Variants in SEMA6A observed in about 807,000 individuals in gnomAD.
The protein encoded by SEMA6A is semaphorin 6A, also known as semaphorin-6A.
Under a neutral mutation model 96.8 loss-of-function variants are expected in SEMA6A, and 25 were observed. That is an observed-to-expected ratio of 0.26 (90% CI 0.19 to 0.36). The LOEUF (loss-of-function observed/expected upper bound fraction) is 0.36, where lower values mean the gene tolerates loss of function less well. Among genes scored for constraint, SEMA6A ranks in the 10% least tolerant of loss-of-function variants. SEMA6A has a pLI of 1.00. For synonymous variants in SEMA6A, 612 were observed against 518.0 expected, an observed-to-expected ratio of 1.18 and a Z score of -2.46; for missense variants, 1,363 against 1,323.1, an observed-to-expected ratio of 1.03 and a Z score of -0.47.
intron 3 of SEMA6A, among the ~76,000 whole-genome samples, chr5:116,500,664 C>A (rs1361495345): frequency 6.6e-6 from 1 of 151,950 alleles, no homozygotes; most frequent in Non-Finnish European, 1.5e-5. Context: ...TTAGAAGAAT[C>A]AACCACTGTT....
Position 116,514,749 on chromosome 5 carries a change from T to A in SEMA6A, c.-38-9767A>T, listed in dbSNP as rs184585112. 4.5e-3 allele frequency among the ~76,000 whole-genome samples: 688 copies of A among 152,262 alleles called. 14 individuals are homozygous for A. Among genetic ancestry groups the A allele is most frequent in the Non-Finnish European group, 2.3e-3 (159 of 68,012 alleles). ...CCTTGGCTTGCTGCCTGATGTTCAT[T>A]ACTACCACTGCCTGATTTCCATCTT... On this transcript the variant is annotated intron_variant, in intron 1 of 18. Coordinates refer to ENST00000343348, the MANE Select transcript of SEMA6A (RefSeq NM_020796.5).
At chr5:116,517,513 G>A (rs11958164) in intron 1 of SEMA6A, among the ~76,000 whole-genome samples, 10,748 of 151,960 alleles carry the variant, frequency 0.071, 690 homozygotes, top group African/African-American at 0.17. Context: ...AGTGTATGTC[G>A]TATCATACTT....
intron 1 of SEMA6A, among the ~76,000 whole-genome samples, chr5:116,533,334 C>A (rs1759569838): frequency 6.7e-6 from 1 of 148,812 alleles, no homozygotes. Flanking sequence ...AGACTCGACA[C>A]TGCTGCTCTG....
chr5:116,508,435 G>A lies in SEMA6A; in HGVS notation c.-38-3453C>T, dbSNP rs978796141. Among the ~76,000 whole-genome samples the A allele has an allele frequency of 3.3e-5, 5 of 152,190 alleles. No individual in the cohort carries two copies. In the South Asian group the frequency reaches 1.0e-3, roughly 32 times the overall value. ...GCCACATCTTACTTCTAATGAGTCA[G>A]TTTAACAAGCCACGAGGACTGGGAA... On this transcript the variant is annotated intron_variant, in intron 1 of 18. Transcript: ENST00000343348.
chr5:116,485,337 G>A (rs752742528), intron 10 of SEMA6A, among the ~76,000 whole-genome samples: 7 of 152,130 alleles, frequency 4.6e-5, no homozygotes, highest in Non-Finnish European at 1.0e-4. Flanking sequence ...CTTAGATTCC[G>A]GTAGCCCCTG....
intron 18 of SEMA6A, among the ~76,000 whole-genome samples, chr5:116,456,477 C>T (rs955558348): frequency 6.6e-6 from 1 of 152,180 alleles, no homozygotes. Context: ...AATCAAATTC[C>T]TAACAAACAC....
chr5:116,473,835 A>C (rs1464443641), intron 16 of SEMA6A, among the ~76,000 whole-genome samples: 2 of 152,186 alleles, frequency 1.3e-5, no homozygotes, highest in Non-Finnish European at 2.9e-5. Flanking sequence ...GCCATGAGCA[A>C]AGGCAGGCAG....
chr5:116,468,105 C>A, intron 17 of SEMA6A: 1 of 214,624 alleles, frequency 4.7e-6, no homozygotes, highest in South Asian at 9.6e-5. Context: ...TGCACAGTGT[C>A]TGACACATAG....
intron 1 of SEMA6A, among the ~76,000 whole-genome samples, chr5:116,528,288 G>C (rs1759316265): frequency 6.6e-6 from 1 of 152,076 alleles, no homozygotes; most frequent in Non-Finnish European, 1.5e-5. Context: ...CAGGTTTCTT[G>C]CTTACAAATA....
chr5:116,457,139 G>A (rs1755063300), intron 18 of SEMA6A, among the ~76,000 whole-genome samples: 1 of 152,140 alleles, frequency 6.6e-6, no homozygotes, highest in Non-Finnish European at 1.5e-5. Context: ...GACATTTTAA[G>A]TTACATTAAA....
chr5:116,463,969 G>A (rs1486711074), intron 18 of SEMA6A, among the ~76,000 whole-genome samples: 2 of 152,120 alleles, frequency 1.3e-5, no homozygotes, highest in Non-Finnish European at 2.9e-5. Flanking sequence ...TTGGAAATCA[G>A]CTTTAAAGTA....
intron 1 of SEMA6A, among the ~76,000 whole-genome samples, chr5:116,528,878 C>T (rs917088748): frequency 2.6e-5 from 4 of 152,168 alleles, no homozygotes; most frequent in African/African-American, 7.2e-5. Flanking sequence ...ACTTTAATTT[C>T]GCCGTCCCCT....
chr5:116,511,252 A>C (rs2112791504), intron 1 of SEMA6A, among the ~76,000 whole-genome samples: 1 of 152,338 alleles, frequency 6.6e-6, no homozygotes, highest in African/African-American at 2.4e-5. Context: ...ATGCTATGTA[A>C]ATCATTGTTT....
Position 116,446,314 on chromosome 5 carries a change from T to C in SEMA6A, c.*299A>G. ...GGTGGGGGATGGGGTAGGTATGTGC[T>C]TTTGGCTCATGTTTGTGATGATAAC... On this transcript the variant is annotated 3_prime_UTR_variant, in exon 19 of 19. Transcript: ENST00000343348. The C allele has an allele frequency of 6.9e-6, 2 of 289,168 alleles. No individual in the cohort carries two copies. Among genetic ancestry groups the C allele is most frequent in the African/African-American group, 2.2e-5 (1 of 45,854 alleles). 17.9% of individuals were successfully genotyped at this position (289,168 alleles called of 1,614,324 possible).
chr5:116,570,983 G>C (rs1761186728), intron 1 of SEMA6A, among the ~76,000 whole-genome samples: 1 of 152,138 alleles, frequency 6.6e-6, no homozygotes, highest in South Asian at 2.1e-4. Flanking sequence ...AAATACAACT[G>C]CTATATGTGT....
At chr5:116,483,924 CAT>C in intron 10 of SEMA6A, among the ~76,000 whole-genome samples, 1 of 151,966 alleles carries the variant, frequency 6.6e-6, no homozygotes, top group South Asian at 2.1e-4. Flanking sequence ...ATTAGCCAGG[CAT>C]GATGGTGGGC....
Position 116,447,418 on chromosome 5 carries a change from G to T in SEMA6A, c.2288C>A (p.Thr763Lys). The change falls in exon 19 of 19, where the codon ACG (threonine) becomes AAG (lysine). Residue 763 changes from threonine to lysine, a missense_variant. Around this residue, in one of 2 missense-constraint regions of SEMA6A, gnomAD observed 883 missense variants for 763.6 expected, o/e 1.16. Coordinates refer to ENST00000343348, the MANE Select transcript of SEMA6A (RefSeq NM_020796.5). ...TALPTPESTP[T>K]LQQKRKPSRG... The stretch of plus-strand genomic sequence containing the variant: ...GCTGGGCTTCCGCTTCTGCTGCAGC[G>T]TTGGGGTTGACTCTGGGGTGGGGAG... 2 of 1,614,070 alleles carry T rather than the reference G, an allele frequency of 1.2e-6. No individual in the cohort carries two copies. Among genetic ancestry groups the T allele is most frequent in the Non-Finnish European group, 1.7e-6 (2 of 1,179,908 alleles).
intron 1 of SEMA6A, among the ~76,000 whole-genome samples, chr5:116,567,177 C>T (rs1433928482): frequency 6.6e-6 from 1 of 151,792 alleles, no homozygotes; most frequent in East Asian, 1.9e-4. Flanking sequence ...TGGTTTTTTC[C>T]TTCCATGTTT....
At chr5:116,571,081 CT>C (rs1391206939) in intron 1 of SEMA6A, among the ~76,000 whole-genome samples, 1 of 152,086 alleles carries the variant, frequency 6.6e-6, no homozygotes, top group Non-Finnish European at 1.5e-5. Context: ...TTATTGCCGC[CT>C]TATCATAACC....
Sources: allele counts gnomAD v4.1 joint callset (sites outside exome capture counted in the v4.1 genomes callset), GRCh38; gene constraint gnomAD v4.1.1; regional missense constraint gnomAD v4.1.1; transcripts MANE v1.5; gene names NCBI Gene and HGNC (gene_info 2026-07-23, HGNC 2026-07-21).